PDE4D: variants seen among roughly 807,000 people sequenced by gnomAD.
PDE4D encodes 3',5'-cyclic-AMP phosphodiesterase 4D.
PDE4D carries 24 observed loss-of-function variants against 87.4 expected under a neutral mutation model. The observed-to-expected ratio is 0.27, with a 90% CI of 0.20 to 0.39. The LOEUF is 0.39. Among genes scored for constraint, PDE4D ranks in the 10% least tolerant of loss-of-function variants. The pLI, the probability that PDE4D is intolerant of heterozygous loss-of-function variation, is 1.00. For missense variants in PDE4D, 714 were observed against 1,041.0 expected (o/e 0.69, Z 4.32); for synonymous variants, 384 against 383.2 (o/e 1.00, Z -0.02).
chr5:59,162,126 G>GT (rs1311767051), intron 5 of PDE4D, among the ~76,000 whole-genome samples: 1 of 152,154 alleles, frequency 6.6e-6, no homozygotes, highest in African/African-American at 2.4e-5. Context: ...AAACAATTCA[G>GT]TTTATTAAAG....
intron 1 of PDE4D, among the ~76,000 whole-genome samples, chr5:60,468,137 C>CT (rs570783072): frequency 1.1e-3 from 154 of 141,230 alleles, no homozygotes; most frequent in Admixed American, 3.0e-3. Flanking sequence ...TTTCTTTTTT[C>CT]TTTTTTTTTT....
At chr5:59,360,659 A>G (rs907638407) in intron 1 of PDE4D, among the ~76,000 whole-genome samples, 5 of 152,214 alleles carry the variant, frequency 3.3e-5, no homozygotes, top group African/African-American at 1.2e-4. Context: ...GAAGTGTTGC[A>G]AAATAATACC....
At chr5:59,215,745 T>G in intron 2 of PDE4D, 32 bp downstream of exon 2, 1 of 1,595,722 alleles carries the variant, frequency 6.3e-7, no homozygotes, top group East Asian at 2.2e-5. Flanking sequence ...ATTTACTCGG[T>G]TTTCTCTCTC....
intron 1 of PDE4D, among the ~76,000 whole-genome samples, chr5:59,890,211 T>A (rs1305587440): frequency 6.7e-6 from 1 of 150,198 alleles, no homozygotes; most frequent in Non-Finnish European, 1.5e-5. Context: ...GATAGACTAT[T>A]TAAACCCCCC....
chr5:59,733,958 T>G (rs1029277234), intron 1 of PDE4D, among the ~76,000 whole-genome samples: 1 of 152,120 alleles, frequency 6.6e-6, no homozygotes, highest in African/African-American at 2.4e-5. Flanking sequence ...TAAATCTGCA[T>G]TAATCTAAAT....
intron 1 of PDE4D, chr5:59,314,072 C>T (rs1333016157): frequency 6.6e-5 from 10 of 152,118 alleles, no homozygotes; most frequent in Admixed American, 6.6e-4. Context: ...AGCCCCAGTA[C>T]TCTGGATCTT....
At position 59,130,927 on chromosome 5, in the gene PDE4D, G is replaced by A. The variant is rs537479554; in HGVS notation, c.808+49668C>T. On this transcript the variant is annotated intron_variant, in intron 5 of 14. Coordinates refer to ENST00000340635, the MANE Select transcript of PDE4D (RefSeq NM_001104631.2). ...TTGAGTAAAGTTAAATGCAAATTTGGTCATGTTATTCCCTTCTTTAAAACC... is the reference window on the plus strand; with the variant it reads ...TTGAGTAAAGTTAAATGCAAATTTGATCATGTTATTCCCTTCTTTAAAACC... 6.6e-5 allele frequency among the ~76,000 whole-genome samples: 10 copies of A among 152,258 alleles called. No homozygotes were observed. The East Asian group carries it at 1.7e-3, about 26-fold the overall frequency.
chr5:59,592,208 T>C (rs972859408), intron 1 of PDE4D: 11 of 878,214 alleles, frequency 1.3e-5, no homozygotes, highest in African/African-American at 1.8e-5. Context: ...ACATTGTTGG[T>C]ACTCAGTCAA....
intron 1 of PDE4D, among the ~76,000 whole-genome samples, chr5:59,638,395 G>A (rs1740959532): frequency 6.6e-6 from 1 of 152,028 alleles, no homozygotes; most frequent in African/African-American, 2.4e-5. Context: ...TATCAAAAAA[G>A]GGGAAAAAGA....
intron 5 of PDE4D, among the ~76,000 whole-genome samples, chr5:59,106,421 T>C (rs1000293074): frequency 1.8e-4 from 27 of 152,206 alleles, no homozygotes; most frequent in African/African-American, 6.5e-4. Context: ...GAAATGTATA[T>C]TTTTCCAAGG....
chr5:59,473,774 C>G (rs935184033), intron 1 of PDE4D, among the ~76,000 whole-genome samples: 1 of 152,064 alleles, frequency 6.6e-6, no homozygotes, highest in Non-Finnish European at 1.5e-5. Context: ...AATGGTCAGG[C>G]TGAAAGAATG....
At chr5:59,419,819 G>T (rs1443262400) in intron 1 of PDE4D, among the ~76,000 whole-genome samples, 1 of 152,164 alleles carries the variant, frequency 6.6e-6, no homozygotes, top group Non-Finnish European at 1.5e-5. Flanking sequence ...CTTCAGTGGA[G>T]TCATCTCTTA....
chr5:60,117,670 C>T (rs138334487), intron 2 of PDE4D, among the ~76,000 whole-genome samples: 2 of 152,216 alleles, frequency 1.3e-5, no homozygotes, highest in African/African-American at 2.4e-5. Context: ...CCTTACTCCT[C>T]GCCATCTTGA....
intron 1 of PDE4D, among the ~76,000 whole-genome samples, chr5:59,381,562 C>A (rs1582267465): frequency 6.6e-6 from 1 of 152,230 alleles, no homozygotes; most frequent in East Asian, 1.9e-4. Context: ...TGATTTAAAT[C>A]TCACACAATC....
chr5:59,136,586 T>C (rs10062340), intron 5 of PDE4D, among the ~76,000 whole-genome samples: 131,656 of 152,076 alleles, frequency 0.87, 57,314 homozygotes, highest in Non-Finnish European at 0.9. Context: ...TCTGTATAAG[T>C]CCATACAAAA....
intron 1 of PDE4D, among the ~76,000 whole-genome samples, chr5:59,756,729 C>T (rs1317659896): frequency 6.6e-6 from 1 of 151,596 alleles, no homozygotes; most frequent in Non-Finnish European, 1.5e-5. Context: ...CAAAAAACAA[C>T]TATTTATTGA....
At chr5:59,801,850 A>G (rs1033805457) in intron 1 of PDE4D, among the ~76,000 whole-genome samples, 1 of 152,246 alleles carries the variant, frequency 6.6e-6, no homozygotes. Flanking sequence ...CAGGAAATGC[A>G]GAACTCAGCA....
At chr5:60,344,947 T>C (rs892968129) in intron 1 of PDE4D, among the ~76,000 whole-genome samples, 3 of 152,008 alleles carry the variant, frequency 2.0e-5, no homozygotes, top group Admixed American at 1.3e-4. Context: ...AAGGAGAAAA[T>C]AGCAATAATT....
intron 1 of PDE4D, among the ~76,000 whole-genome samples, chr5:60,229,566 T>A (rs1043442279): frequency 6.6e-6 from 1 of 152,272 alleles, no homozygotes; most frequent in East Asian, 1.9e-4. Flanking sequence ...TCATCCTTAA[T>A]TTGTAAATGG....
Sources: allele counts gnomAD v4.1 joint callset (sites outside exome capture counted in the v4.1 genomes callset), GRCh38; gene constraint gnomAD v4.1.1; transcripts MANE v1.5; gene names NCBI Gene and HGNC (gene_info 2026-07-23, HGNC 2026-07-21).